Variants in DNAH8 observed in about 807,000 individuals in gnomAD.
DNAH8 encodes axonemal beta dynein heavy chain 8.
DNAH8 carries 382 observed loss-of-function variants against 562.1 expected under a neutral mutation model. The observed-to-expected ratio is 0.68, with a 90% CI of 0.63 to 0.74. The LOEUF (loss-of-function observed/expected upper bound fraction) is 0.74, where lower values mean the gene tolerates loss of function less well. DNAH8 is among the 30% of genes least tolerant of loss of function. DNAH8 has a pLI of 0.00. For synonymous variants in DNAH8, 1,881 were observed against 1,919.4 expected (o/e 0.98, Z 0.52); for missense variants, 5,203 against 5,620.4 (o/e 0.93, Z 2.37).
Position 38,974,475 on chromosome 6 carries a change from A to G in DNAH8, c.12780A>G (p.Leu4260=), listed in dbSNP as rs2150696735. 1.9e-6 allele frequency: 3 copies of G among 1,613,824 alleles called. No homozygotes were observed. In the East Asian group the frequency reaches 6.7e-5, roughly 36 times the overall value. Residue 4260 remains leucine (L), a synonymous_variant, in exon 85 of 93, where the codon TTA becomes TTG. Transcript: ENST00000327475. ...AAGACCTTCTGGACATCAGTAATTT[A>G]CCCATGTGGAAGCCGATGCTTTACA... ...INQDLLDISN[L]PMWKPMLYTV... is the part of the protein sequence containing the mutation.
rs1583187318 is a variant in DNAH8 at position 38,853,341 on chromosome 6, A to G, written c.5727A>G (p.Pro1909=). ...FQLLPFLSHF[P]AQVGLLGIQM... ...TCTTACCATTCCTCAGCCACTTTCC[A>G]GCACAGGTGAGAATACACAATGCTT... is the stretch of plus-strand genomic sequence containing the variant. The change falls in exon 41 of 93, where the codon CCA becomes CCG. Residue 1909 remains proline (P), a synonymous_variant. Transcript: ENST00000327475. The G allele has an allele frequency of 3.1e-6, 5 of 1,612,972 alleles. 1 individual carries two copies. Among genetic ancestry groups the G allele is most frequent in the Middle Eastern group, 3.3e-4 (2 of 6,060 alleles).
chr6:38,887,238 G>C (rs1778996652), intron 57 of DNAH8, among the ~76,000 whole-genome samples: 1 of 152,104 alleles, frequency 6.6e-6, no homozygotes, highest in African/African-American at 2.4e-5. Flanking sequence ...AGACGTAAAG[G>C]AACCTTGGTG....
intron 7 of DNAH8, 111 bp from the exon 8 acceptor site, chr6:38,741,600 A>T: frequency 1.2e-6 from 1 of 851,002 alleles, no homozygotes; most frequent in South Asian, 2.2e-5. Flanking sequence ...TTTAAACATT[A>T]TTTGGTATTG....
At chr6:38,880,189 G>A (rs1362799831) in intron 53 of DNAH8, among the ~76,000 whole-genome samples, 1 of 152,174 alleles carries the variant, frequency 6.6e-6, no homozygotes, top group Non-Finnish European at 1.5e-5. Flanking sequence ...GGAGGTTGCA[G>A]TGAGCTGAGA....
intron 91 of DNAH8, among the ~76,000 whole-genome samples, chr6:39,016,889 T>C (rs894564747): frequency 6.6e-6 from 1 of 152,210 alleles, no homozygotes; most frequent in African/African-American, 2.4e-5. Flanking sequence ...CTGCTGTTTG[T>C]AGCACTGCTG....
Position 39,022,527 on chromosome 6 carries a change from A to G in DNAH8, c.13715-4019A>G, listed in dbSNP as rs1766991401. ...AGGAGGCAACACCCTGTCTGCTACC[A>G]TCCTCCCCTTCCAGAGCCCACCTGC... On this transcript the variant is annotated intron_variant, in intron 91 of 92. Transcript: ENST00000327475. 2.0e-5 allele frequency among the ~76,000 whole-genome samples: 3 copies of G among 152,118 alleles called. No individual in the cohort carries two copies. In the South Asian group the frequency reaches 6.2e-4, roughly 32 times the overall value.
chr6:38,868,546 C>T (rs1271212840), intron 48 of DNAH8, among the ~76,000 whole-genome samples: 2 of 152,228 alleles, frequency 1.3e-5, no homozygotes, highest in Non-Finnish European at 1.5e-5. Flanking sequence ...TTTGCTTTCT[C>T]TGTATGTGAC....
At chr6:38,814,647 G>A (rs1772086434) in intron 25 of DNAH8, among the ~76,000 whole-genome samples, 1 of 152,174 alleles carries the variant, frequency 6.6e-6, no homozygotes, top group African/African-American at 2.4e-5. Context: ...ATTGAGTTAG[G>A]CATCTGTTCT....
At chr6:38,836,405 C>T (rs1051105154) in intron 32 of DNAH8, among the ~76,000 whole-genome samples, 2 of 149,358 alleles carry the variant, frequency 1.3e-5, no homozygotes, top group East Asian at 4.0e-4. Flanking sequence ...CAAGATTGCA[C>T]CACTGCACTC....
chr6:38,954,193 G>A (rs998064827), intron 82 of DNAH8, among the ~76,000 whole-genome samples: 6 of 152,132 alleles, frequency 3.9e-5, no homozygotes, highest in African/African-American at 1.4e-4. Flanking sequence ...AAGCAGATGG[G>A]TTTAGCACGA....
rs1779936958 is a variant in DNAH8, at chr6:38,899,640, C to A, written c.9064-136C>A. Reference sequence around the variant, plus strand: ...GTATTAAACTTTAATTTTAAAAATTCTGTCATAGACCATTAACGAGGAAAA... The same window carrying A: ...GTATTAAACTTTAATTTTAAAAATTATGTCATAGACCATTAACGAGGAAAA... On this transcript the variant is annotated intron_variant, in intron 61 of 92. Coordinates refer to ENST00000327475, the MANE Select transcript of DNAH8 (RefSeq NM_001206927.2). 4.7e-6 allele frequency: 4 copies of A among 856,852 alleles called. No individual in the cohort carries two copies. In the Admixed American group the frequency reaches 9.1e-5, roughly 20 times the overall value. The allele number at this position is 856,852 out of a possible 1,614,324, so 53.1% of individuals were successfully genotyped here. A position where few individuals can be genotyped will look rare whatever the true frequency, so the allele number is the denominator to read the frequency against.
chr6:38,812,483 G>A (rs558364526), intron 24 of DNAH8, among the ~76,000 whole-genome samples: 2 of 152,156 alleles, frequency 1.3e-5, no homozygotes, highest in African/African-American at 2.4e-5. Context: ...ACACACGAAC[G>A]CTAGCTTGGT....
At chr6:38,822,108 C>T (rs1326896128) in intron 26 of DNAH8, among the ~76,000 whole-genome samples, 1 of 152,078 alleles carries the variant, frequency 6.6e-6, no homozygotes, top group Non-Finnish European at 1.5e-5. Flanking sequence ...TGAGGAGGGG[C>T]TTATCTCTAT....
chr6:38,994,325 C>T (rs971746288), intron 88 of DNAH8, among the ~76,000 whole-genome samples: 3 of 152,032 alleles, frequency 2.0e-5, no homozygotes, highest in Non-Finnish European at 4.4e-5. Flanking sequence ...GCTTATTTAG[C>T]GTTGCTTGTG....
In DNAH8 at chr6:38,873,307, T is replaced by C. The variant is rs78611987; in HGVS notation, c.7551T>C (p.Asp2517=). 0.011 allele frequency: 18,086 copies of C among 1,613,678 alleles called. 903 individuals are homozygous for C. The East Asian group carries it at 0.14, about 12-fold the overall frequency. Residue 2517 remains aspartate (D), a synonymous_variant, in exon 52 of 93, where the codon GAT becomes GAC. Coordinates refer to ENST00000327475, the MANE Select transcript of DNAH8 (RefSeq NM_001206927.2). ...FLTLYEKVFE[D]TYTYMKLNLN... Reference sequence around the variant, plus strand: ...CACTGTATGAGAAAGTCTTTGAAGATACATACACATATATGAAGCTAAATC... The same window carrying C: ...CACTGTATGAGAAAGTCTTTGAAGACACATACACATATATGAAGCTAAATC...
At chr6:38,945,380 C>A in intron 79 of DNAH8, 87 bp from the exon 80 acceptor site, 3 of 1,358,538 alleles carry the variant, frequency 2.2e-6, no homozygotes, top group Non-Finnish European at 3.1e-6. Context: ...AGTAATGTGG[C>A]TATTTTGCTT....
rs777221401 is a variant in DNAH8 at position 38,750,518 on chromosome 6, G to T, written c.1336G>T (p.Glu446Ter). ...TGCAAGAATCACTGATACAGCAAAT[G>T]AATCCAAAGATAATGTCAGATATTT... ...LDARITDTAN[E>*]SKDNVRYLYT... Residue 446 changes from glutamate (E) to a stop codon, truncating the protein, a stop_gained, in exon 9 of 93, where the codon GAA (glutamate) becomes TAA (stop). Coordinates refer to ENST00000327475, the MANE Select transcript of DNAH8 (RefSeq NM_001206927.2). LOFTEE classifies it high-confidence loss of function. 9.9e-6 allele frequency: 16 copies of T among 1,612,106 alleles called. No individual in the cohort carries two copies. The highest frequency in any genetic ancestry group is 1.4e-5 in the Non-Finnish European group (16 of 1,179,052).
In DNAH8 at chr6:38,822,865, G is replaced by A; in HGVS notation, c.3551G>A (p.Arg1184Lys). Residue 1184 changes from arginine (R) to lysine (K), a missense_variant, in exon 27 of 93, where the codon AGG (arginine) becomes AAG (lysine). Coordinates refer to ENST00000327475, the MANE Select transcript of DNAH8 (RefSeq NM_001206927.2). ...ERSFEEAIPA[R>K]KLKNFYPGVA... ...TCTTTTGAAGAAGCTATTCCTGCGAGGAAGCTGAAGAATTTTTACCCGGGG... is the reference window on the plus strand; with the variant it reads ...TCTTTTGAAGAAGCTATTCCTGCGAAGAAGCTGAAGAATTTTTACCCGGGG... 1 of 1,602,718 alleles carries A rather than the reference G, an allele frequency of 6.2e-7. No homozygotes were observed. Among genetic ancestry groups the A allele is most frequent in the Non-Finnish European group, 8.5e-7 (1 of 1,176,620 alleles).
intron 70 of DNAH8, among the ~76,000 whole-genome samples, chr6:38,919,632 T>C (rs1781551200): frequency 6.6e-6 from 1 of 152,234 alleles, no homozygotes; most frequent in African/African-American, 2.4e-5. Context: ...GAATTAATTA[T>C]ATTCAATGGT....
Sources: gnomAD v4.1 joint callset for allele counts (sites outside exome capture counted in the v4.1 genomes callset) on GRCh38, gnomAD v4.1.1 for gene constraint, MANE v1.5 for transcripts, NCBI Gene and HGNC (gene_info 2026-07-23, HGNC 2026-07-21) for gene names.